Variants in HOOK3 observed in about 807,000 individuals in gnomAD.
HOOK3 encodes hook microtubule tethering protein 3, also known as protein Hook homolog 3.
HOOK3 carries 24 observed loss-of-function variants against 116.3 expected under a neutral mutation model. The observed-to-expected ratio is 0.21, with a 90% CI of 0.15 to 0.29. The LOEUF (loss-of-function observed/expected upper bound fraction) is 0.29. Ranked by LOEUF, HOOK3 falls within the 10% of genes least tolerant of loss-of-function variation. HOOK3 has a pLI of 1.00. For missense variants in HOOK3, 632 were observed against 830.2 expected (o/e 0.76, Z 2.93); for synonymous variants, 275 against 283.0 (o/e 0.97, Z 0.28).
intron 19 of HOOK3, 62 bp from the exon 20 acceptor site, chr8:43,012,989 C>T: frequency 1.0e-6 from 1 of 978,234 alleles, no homozygotes. Flanking sequence ...TCATTCTTTT[C>T]TTAAACGTTA....
At chr8:42,942,066 C>T (rs12546047) in intron 4 of HOOK3, among the ~76,000 whole-genome samples, 2,551 of 152,234 alleles carry the variant, frequency 0.017, 27 homozygotes, top group Middle Eastern at 0.027. Flanking sequence ...TGAGACCAGC[C>T]TGACCAACAT....
intron 4 of HOOK3, among the ~76,000 whole-genome samples, 158 bp downstream of exon 4, chr8:42,930,330 T>C (rs780520096): frequency 4.6e-5 from 7 of 152,246 alleles, no homozygotes; most frequent in Non-Finnish European, 1.0e-4. Flanking sequence ...ACCAACCATC[T>C]GTCAGTCAGT....
chr8:42,946,664 T>C (rs1425937477), intron 5 of HOOK3, among the ~76,000 whole-genome samples: 1 of 152,076 alleles, frequency 6.6e-6, no homozygotes, highest in East Asian at 1.9e-4. Context: ...CTTGAAGTTA[T>C]GACTAATTTT....
intron 1 of HOOK3, among the ~76,000 whole-genome samples, chr8:42,905,811 T>C (rs1219760146): frequency 6.8e-6 from 1 of 146,944 alleles, no homozygotes; most frequent in Non-Finnish European, 1.5e-5. Context: ...TTCAGCCAGG[T>C]GCGGTGGCTC....
In HOOK3 at chr8:43,010,337, C is replaced by A. The variant is rs967051945; in HGVS notation, c.1771C>A (p.Arg591=). 1.4e-6 allele frequency: 2 copies of A among 1,472,002 alleles called. No individual in the cohort carries two copies. The highest frequency in any genetic ancestry group is 1.5e-5 in the South Asian group (1 of 68,768). 91.2% of individuals were successfully genotyped at this position (1,472,002 alleles called of 1,614,324 possible). Residue 591 remains arginine, a synonymous_variant, in exon 19 of 22, where the codon CGA becomes AGA. Coordinates refer to ENST00000307602, the MANE Select transcript of HOOK3 (RefSeq NM_032410.4). ...AATTGAAGAATTACAAGAAGCTTTA[C>A]GAAAGAAAGAGGAAGAAATGAAGCA... is the stretch of plus-strand genomic sequence containing the variant. ...LKIEELQEAL[R]KKEEEMKQME...
At position 42,986,732 on chromosome 8, in the gene HOOK3, C is replaced by T. The variant is rs747499533; in HGVS notation, c.1469C>T (p.Ala490Val). 3.7e-6 allele frequency: 6 copies of T among 1,613,484 alleles called. No homozygotes were observed. The highest frequency in any genetic ancestry group is 5.1e-6 in the Non-Finnish European group (6 of 1,179,560). Residue 490 changes from alanine to valine, a missense_variant, in exon 15 of 22, where the codon GCC (alanine) becomes GTC (valine). By Grantham distance (64) the Ala-to-Val change is moderately conservative (BLOSUM62 0). Coordinates refer to ENST00000307602, the MANE Select transcript of HOOK3 (RefSeq NM_032410.4). ...GAAGGTTCGGACAATGAAAAAATAG[C>T]CTTATTGCAGAGCCTTCTAGATGAT... ...NQEGSDNEKI[A>V]LLQSLLDDAN... is the part of the protein sequence containing the mutation.
intron 17 of HOOK3, among the ~76,000 whole-genome samples, chr8:43,006,364 G>T (rs1237195701): frequency 1.3e-5 from 2 of 151,240 alleles, no homozygotes; most frequent in Admixed American, 6.6e-5. Context: ...GCCCAGGCTG[G>T]AGTGCAGTGG....
intron 11 of HOOK3, among the ~76,000 whole-genome samples, chr8:42,972,788 TG>T (rs1295210156): frequency 2.0e-5 from 3 of 152,348 alleles, no homozygotes; most frequent in African/African-American, 7.2e-5. Flanking sequence ...TTTGCTGATT[TG>T]CTACCTTTTA....
chr8:43,004,588 G>A (rs1223277369), intron 17 of HOOK3, among the ~76,000 whole-genome samples: 1 of 149,822 alleles, frequency 6.7e-6, no homozygotes, highest in Non-Finnish European at 1.5e-5. Context: ...GGCTGAGGCA[G>A]GATAATTGCT....
chr8:42,905,332 G>A (rs1338548249), intron 1 of HOOK3, among the ~76,000 whole-genome samples: 2 of 146,672 alleles, frequency 1.4e-5, no homozygotes, highest in Non-Finnish European at 1.5e-5. Flanking sequence ...TTTTGGGGGG[G>A]GGGGTGCCGT....
intron 9 of HOOK3, among the ~76,000 whole-genome samples, chr8:42,965,309 A>G (rs1808612433): frequency 6.6e-6 from 1 of 151,556 alleles, no homozygotes; most frequent in African/African-American, 2.4e-5. Context: ...GCATTTATAG[A>G]CTTATAGAAA....
chr8:42,914,186 T>C (rs565748028), intron 2 of HOOK3, among the ~76,000 whole-genome samples: 62 of 152,354 alleles, frequency 4.1e-4, no homozygotes, highest in African/African-American at 1.3e-3. Context: ...TTGAATCTTG[T>C]GACAACATTC....
intron 2 of HOOK3, among the ~76,000 whole-genome samples, chr8:42,909,117 C>T (rs1807372940): frequency 6.6e-6 from 1 of 152,214 alleles, no homozygotes; most frequent in Admixed American, 6.5e-5. Context: ...TGTCACCTCA[C>T]ACCTATCAGA....
intron 1 of HOOK3, among the ~76,000 whole-genome samples, chr8:42,900,554 A>G (rs1408871007): frequency 6.6e-6 from 1 of 152,176 alleles, no homozygotes; most frequent in Non-Finnish European, 1.5e-5. Context: ...TTATGGTGGT[A>G]TCTCCCCCAT....
intron 4 of HOOK3, 62 bp from the exon 5 acceptor site, chr8:42,943,251 G>GTTTTT: frequency 3.4e-6 from 3 of 873,384 alleles, no homozygotes; most frequent in African/African-American, 1.8e-5. Flanking sequence ...CCTCGATCAA[G>GTTTTT]TTTTTTTTTT....
chr8:43,023,096 C>T lies in HOOK3; in HGVS notation c.*4598C>T, dbSNP rs1175369210. 1 of 154,364 alleles carries T rather than the reference C, an allele frequency of 6.5e-6. No homozygotes were observed. The highest frequency in any genetic ancestry group is 1.4e-5 in the Non-Finnish European group (1 of 70,452). The allele number at this position is 154,364 out of a possible 1,614,324, so 9.6% of individuals were successfully genotyped here. The stretch of plus-strand genomic sequence containing the variant: ...TGGCAGGCGCCTGTGATCCCAGCTA[C>T]TTGGGAGGCTGAGGCAGGAGAATCA... On this transcript the variant is annotated 3_prime_UTR_variant, in exon 22 of 22. Coordinates refer to ENST00000307602, the MANE Select transcript of HOOK3 (RefSeq NM_032410.4).
chr8:42,937,072 T>C (rs905125696), intron 4 of HOOK3, among the ~76,000 whole-genome samples: 1 of 152,158 alleles, frequency 6.6e-6, no homozygotes, highest in Non-Finnish European at 1.5e-5. Flanking sequence ...GAACTTGTTA[T>C]TGGTGTATTC....
rs35656895 is a variant in HOOK3, at chr8:43,022,085, TAAAAA to T, written c.*3603_*3607del. On this transcript the variant is annotated 3_prime_UTR_variant, in exon 22 of 22. Transcript: ENST00000307602. ...TGTTTAAAAACAAAACAGGCTGTTG[TAAAAA>T]AAAAAAAAAAAAAAACTTCTGAATA... The T allele has an allele frequency of 2.8e-5, 4 of 145,376 alleles. No individual in the cohort carries two copies. Among genetic ancestry groups the T allele is most frequent in the Non-Finnish European group, 4.2e-5 (3 of 71,100 alleles). The allele number at this position is 145,376 out of a possible 1,614,324, so 9.0% of individuals were successfully genotyped here.
At chr8:42,936,316 A>G (rs1807971167) in intron 4 of HOOK3, among the ~76,000 whole-genome samples, 1 of 152,224 alleles carries the variant, frequency 6.6e-6, no homozygotes, top group South Asian at 2.1e-4. Flanking sequence ...TTCTAAATAT[A>G]CAATCATGTC....
Sources: allele counts gnomAD v4.1 joint callset (sites outside exome capture counted in the v4.1 genomes callset), GRCh38; gene constraint gnomAD v4.1.1; transcripts MANE v1.5; gene names NCBI Gene and HGNC (gene_info 2026-07-23, HGNC 2026-07-21).